Variants in RIMS2 observed in about 807,000 individuals in gnomAD.
RIMS2 encodes regulating synaptic membrane exocytosis 2, also known as regulating synaptic membrane exocytosis protein 2.
In RIMS2, 59 loss-of-function variants were observed where a neutral mutation model predicts 174.4. That is an observed-to-expected ratio of 0.34 (90% CI 0.27 to 0.42). The LOEUF (loss-of-function observed/expected upper bound fraction) is 0.42, where lower values mean the gene tolerates loss of function less well. Ranked by LOEUF, RIMS2 falls within the 10% of genes least tolerant of loss-of-function variation. The pLI is 1.00. For synonymous variants in RIMS2, 606 were observed against 572.5 expected (o/e 1.06, Z -0.84); for missense variants, 1,620 against 1,666.3 (o/e 0.97, Z 0.48).
intron 3 of RIMS2, among the ~76,000 whole-genome samples, chr8:103,771,125 T>A (rs1196916666): frequency 6.6e-6 from 1 of 152,218 alleles, no homozygotes; most frequent in Non-Finnish European, 1.5e-5. Context: ...TAGTATTTAT[T>A]GAATGAATGA....
At chr8:103,886,160 T>A in exon 4 of RIMS2, 1 of 1,612,724 alleles carries the variant, frequency 6.2e-7, no homozygotes, top group Non-Finnish European at 8.5e-7. Flanking sequence ...GGAATTGGCT[T>A]CCACGCCTGA....
intron 2 of RIMS2, among the ~76,000 whole-genome samples, chr8:103,734,316 G>C (rs1045900760): frequency 8.1e-6 from 1 of 124,084 alleles, no homozygotes; most frequent in Non-Finnish European, 1.7e-5. Context: ...TGGCCTAAAA[G>C]CTTTTTTTTT....
chr8:104,041,159 T>C (rs1040463940), intron 19 of RIMS2, among the ~76,000 whole-genome samples, 167 bp from the exon 22 acceptor site: 1 of 151,764 alleles, frequency 6.6e-6, no homozygotes, highest in East Asian at 1.9e-4. Context: ...TTCTTACGTA[T>C]TTTTTGTGGA....
At chr8:103,949,124 CAAAAAA>C (rs533642917) in intron 14 of RIMS2, among the ~76,000 whole-genome samples, 15 of 44,096 alleles carry the variant, frequency 3.4e-4, no homozygotes, top group African/African-American at 1.0e-3. Flanking sequence ...GAGACTCTGT[CAAAAAA>C]AAAAAAAAAA....
intron 3 of RIMS2, among the ~76,000 whole-genome samples, chr8:103,842,264 T>C (rs2098944356): frequency 6.6e-6 from 1 of 152,098 alleles, no homozygotes; most frequent in South Asian, 2.1e-4. Flanking sequence ...AAAATACAGT[T>C]ATAGTTTTTG....
chr8:103,861,107 AT>A (rs1283140280), intron 3 of RIMS2, among the ~76,000 whole-genome samples: 6 of 151,620 alleles, frequency 4.0e-5, no homozygotes, highest in Admixed American at 4.0e-4. Context: ...AGAATAAGTA[AT>A]TTTCAGGCCT....
chr8:103,939,405 A>G (rs4734738), intron 13 of RIMS2, among the ~76,000 whole-genome samples: 56,575 of 152,068 alleles, frequency 0.37, 11,335 homozygotes, highest in Non-Finnish European at 0.43. Context: ...AGCTGGAGCA[A>G]CTGGGATGCA....
intron 1 of RIMS2, among the ~76,000 whole-genome samples, chr8:103,583,397 G>C (rs553030995): frequency 6.6e-6 from 1 of 152,208 alleles, no homozygotes; most frequent in African/African-American, 2.4e-5. Flanking sequence ...AGATCTGCTA[G>C]CATCAACACC....
At chr8:103,624,774 A>G (rs2095738760) in intron 1 of RIMS2, among the ~76,000 whole-genome samples, 1 of 152,134 alleles carries the variant, frequency 6.6e-6, no homozygotes, top group African/African-American at 2.4e-5. Flanking sequence ...TATGGTAGGG[A>G]TTCTTATTAT....
intron 1 of RIMS2, 66 bp from the exon 2 acceptor site, chr8:103,652,139 A>C: frequency 1.2e-6 from 1 of 835,034 alleles, no homozygotes; most frequent in Non-Finnish European, 1.7e-6. Context: ...TTATATGAAC[A>C]CAAATTTGTA....
chr8:103,653,399 T>C (rs1231081526), intron 1 of RIMS2, among the ~76,000 whole-genome samples: 1 of 152,202 alleles, frequency 6.6e-6, no homozygotes, highest in Non-Finnish European at 1.5e-5. Flanking sequence ...TGTTGTGAAG[T>C]TGAGGTAGCT....
chr8:103,652,723 A>T lies in RIMS2; in HGVS notation c.177-44363A>T. ...AGGAGCCCCAGACGTAAGTAAGCTG[A>T]TCTATATAGACTAAATATTATCTCT... On this transcript the variant is annotated intron_variant, in intron 1 of 23. Transcript: ENST00000504942. The T allele has an allele frequency of 1.1e-5, 15 of 1,306,144 alleles. No homozygotes were observed. The highest frequency in any genetic ancestry group is 1.5e-5 in the Non-Finnish European group (15 of 983,200). The allele number at this position is 1,306,144 out of a possible 1,614,324, so 80.9% of individuals were successfully genotyped here. A position where few individuals can be genotyped will look rare whatever the true frequency, so the allele number is the denominator to read the frequency against.
intron 3 of RIMS2, among the ~76,000 whole-genome samples, chr8:103,843,031 G>A (rs1205170430): frequency 6.6e-6 from 1 of 152,122 alleles, no homozygotes; most frequent in Non-Finnish European, 1.5e-5. Context: ...GATTGGATTA[G>A]GACCCACCCC....
At chr8:104,209,787 A>G (rs1014112885) in intron 19 of RIMS2, among the ~76,000 whole-genome samples, 3 of 152,222 alleles carry the variant, frequency 2.0e-5, no homozygotes, top group African/African-American at 7.2e-5. Context: ...TGTTTGAAGG[A>G]CACAAACTGG....
At chr8:104,187,367 A>C (rs1196877236) in intron 19 of RIMS2, among the ~76,000 whole-genome samples, 2 of 151,864 alleles carry the variant, frequency 1.3e-5, no homozygotes, top group Non-Finnish European at 2.9e-5. Context: ...GTATTTGAGA[A>C]TAAATCTCAA....
intron 17 of RIMS2, chr8:103,998,174 C>T (rs748302817): frequency 1.3e-6 from 2 of 1,587,786 alleles, no homozygotes; most frequent in Non-Finnish European, 1.7e-6. Flanking sequence ...TTGTTTCTGC[C>T]ATGCTTGCAG....
chr8:104,059,308 G>C (rs1337186406), intron 19 of RIMS2, among the ~76,000 whole-genome samples: 1 of 148,550 alleles, frequency 6.7e-6, no homozygotes, highest in Non-Finnish European at 1.5e-5. Context: ...TGGATTCCTA[G>C]GTATTTTATT....
At chr8:103,822,914 T>C (rs1305549325) in intron 3 of RIMS2, among the ~76,000 whole-genome samples, 2 of 151,996 alleles carry the variant, frequency 1.3e-5, no homozygotes, top group Non-Finnish European at 2.9e-5. Context: ...TGTGAGCTTG[T>C]CTTTGGAAGC....
intron 3 of RIMS2, 40 bp from the exon 7 acceptor site, chr8:103,885,258 C>T (rs377220871): frequency 1.3e-6 from 2 of 1,510,016 alleles, no homozygotes; most frequent in South Asian, 1.4e-5. Context: ...AATTGATAAA[C>T]TTTTGCTCTT....
Sources: allele counts gnomAD v4.1 joint callset (sites outside exome capture counted in the v4.1 genomes callset), GRCh38; gene constraint gnomAD v4.1.1; transcripts MANE v1.5; gene names NCBI Gene and HGNC (gene_info 2026-07-23, HGNC 2026-07-21).